Variants in TATDN1 observed in about 807,000 individuals in gnomAD.
The protein encoded by TATDN1 is TatD DNase domain containing 1.
TATDN1 carries 40 observed loss-of-function variants against 46.4 expected under a neutral mutation model. The observed-to-expected ratio is 0.86, with a 90% CI of 0.67 to 1.12. The LOEUF is 1.12. Ranked by LOEUF, TATDN1 falls within the 50% of genes most tolerant of loss-of-function variation. The pLI, the probability that TATDN1 is intolerant of heterozygous loss-of-function variation, is 0.00. For synonymous variants in TATDN1, 95 were observed against 105.6 expected, an observed-to-expected ratio of 0.90 and a Z score of 0.62; for missense variants, 326 against 348.4, an observed-to-expected ratio of 0.94 and a Z score of 0.51.
At chr8:124,510,463 C>T (rs1204516428) in intron 6 of TATDN1, among the ~76,000 whole-genome samples, 1 of 152,172 alleles carries the variant, frequency 6.6e-6, no homozygotes, top group Non-Finnish European at 1.5e-5. Context: ...TACAAATTCA[C>T]AGTATCTAAT....
At chr8:124,514,439 T>C (rs1285786625) in intron 6 of TATDN1, among the ~76,000 whole-genome samples, 3 of 152,236 alleles carry the variant, frequency 2.0e-5, no homozygotes, top group African/African-American at 7.2e-5. Context: ...CTGATCCTAA[T>C]TCTTCTTTGT....
chr8:124,491,793 A>G (rs140916526), intron 11 of TATDN1: 2 of 152,366 alleles, frequency 1.3e-5, no homozygotes, highest in African/African-American at 4.8e-5. Context: ...AACTGTTAAC[A>G]GAATGGAGGT....
chr8:124,508,328 A>G, intron 8 of TATDN1, 146 bp downstream of exon 8: 1 of 647,246 alleles, frequency 1.5e-6, no homozygotes, highest in South Asian at 2.3e-5. Flanking sequence ...TTTGTGTACA[A>G]TGAATAATCA....
At chr8:124,525,609 A>T (rs1343233195) in intron 1 of TATDN1, among the ~76,000 whole-genome samples, 3 of 152,230 alleles carry the variant, frequency 2.0e-5, no homozygotes, top group African/African-American at 7.2e-5. Flanking sequence ...AAAAACAAAT[A>T]TGAAAGCATT....
chr8:124,497,087 A>C (rs1817530788), intron 9 of TATDN1, among the ~76,000 whole-genome samples: 1 of 152,180 alleles, frequency 6.6e-6, no homozygotes. Context: ...CACAAATGAG[A>C]GGCCCACACA....
At chr8:124,533,369 G>A (rs1821139898) in intron 1 of TATDN1, among the ~76,000 whole-genome samples, 1 of 152,174 alleles carries the variant, frequency 6.6e-6, no homozygotes, top group Non-Finnish European at 1.5e-5. Flanking sequence ...AAGATGCTGA[G>A]TGAGGGGACA....
intron 6 of TATDN1, among the ~76,000 whole-genome samples, chr8:124,512,338 T>G (rs111984344): frequency 6.6e-6 from 1 of 152,108 alleles, no homozygotes; most frequent in East Asian, 1.9e-4. Context: ...GGCAGGAGAA[T>G]TGCTTGAACC....
chr8:124,528,986 T>C (rs1563688733), intron 1 of TATDN1, among the ~76,000 whole-genome samples: 1 of 152,250 alleles, frequency 6.6e-6, no homozygotes, highest in African/African-American at 2.4e-5. Flanking sequence ...GTGAAGGTTA[T>C]GGGATAAGCC....
intron 9 of TATDN1, among the ~76,000 whole-genome samples, chr8:124,501,147 G>C (rs1386490951): frequency 3.9e-5 from 6 of 152,236 alleles, no homozygotes; most frequent in African/African-American, 1.2e-4. Context: ...GCACAGGCCT[G>C]AGCATGGAGA....
At chr8:124,537,247 T>C in intron 1 of TATDN1, among the ~76,000 whole-genome samples, 1 of 152,124 alleles carries the variant, frequency 6.6e-6, no homozygotes, top group East Asian at 1.9e-4. Flanking sequence ...AAGAGTTTGA[T>C]CTAGTGGGAA....
At chr8:124,492,228 G>T (rs1294989035) in intron 11 of TATDN1, among the ~76,000 whole-genome samples, 1 of 152,080 alleles carries the variant, frequency 6.6e-6, no homozygotes, top group African/African-American at 2.4e-5. Context: ...GCCTGCCTTG[G>T]CCTCCCAAAG....
chr8:124,520,615 C>T (rs979324893), intron 3 of TATDN1, among the ~76,000 whole-genome samples: 20 of 151,786 alleles, frequency 1.3e-4, no homozygotes, highest in Non-Finnish European at 1.0e-4. Flanking sequence ...AACGGCAAGA[C>T]AAGAGGGCAT....
chr8:124,520,195 G>A (rs1354880487), intron 3 of TATDN1, among the ~76,000 whole-genome samples: 1 of 152,210 alleles, frequency 6.6e-6, no homozygotes, highest in African/African-American at 2.4e-5. Context: ...CCAGCACTTT[G>A]GGAGGCTGAG....
chr8:124,536,182 A>C (rs1159109865), intron 1 of TATDN1, among the ~76,000 whole-genome samples: 3 of 152,166 alleles, frequency 2.0e-5, no homozygotes, highest in African/African-American at 7.2e-5. Context: ...TATTTTTGAG[A>C]GTGGAAGAGT....
chr8:124,521,573 T>C (rs984561080), intron 3 of TATDN1: 8 of 152,286 alleles, frequency 5.3e-5, no homozygotes, highest in Middle Eastern at 6.8e-3. Context: ...ATCTTGGAGG[T>C]AGCAGCTACC....
intron 9 of TATDN1, among the ~76,000 whole-genome samples, chr8:124,496,623 A>G (rs756296690): frequency 6.6e-6 from 1 of 152,214 alleles, no homozygotes; most frequent in Non-Finnish European, 1.5e-5. Flanking sequence ...GCAAATACAC[A>G]TTAAAATCCC....
At chr8:124,502,659 TC>T (rs1818077116) in intron 9 of TATDN1, among the ~76,000 whole-genome samples, 1 of 150,958 alleles carries the variant, frequency 6.6e-6, no homozygotes, top group Non-Finnish European at 1.5e-5. Context: ...CATGGAAGGG[TC>T]TGCAACTGAC....
chr8:124,489,928 T>TA (rs930813145), intron 11 of TATDN1: 1 of 152,376 alleles, frequency 6.6e-6, no homozygotes, highest in African/African-American at 2.4e-5. Context: ...AATGGGAATT[T>TA]AAAAAATTGT....
intron 6 of TATDN1, among the ~76,000 whole-genome samples, chr8:124,512,220 C>T (rs779493369): frequency 2.0e-5 from 3 of 152,050 alleles, no homozygotes; most frequent in Non-Finnish European, 4.4e-5. Context: ...GTCTGGAGTT[C>T]GAAACCAGCC....
Sources: allele counts gnomAD v4.1 joint callset (sites outside exome capture counted in the v4.1 genomes callset), GRCh38; gene constraint gnomAD v4.1.1; transcripts MANE v1.5; gene names NCBI Gene and HGNC (gene_info 2026-07-23, HGNC 2026-07-21).